IQSEC1: variants seen among roughly 807,000 people sequenced by gnomAD.
IQSEC1 encodes the protein IQ motif and Sec7 domain ArfGEF 1.
In IQSEC1, 31 loss-of-function variants were observed where a neutral mutation model predicts 91.0. The observed-to-expected ratio is 0.34, with a 90% confidence interval of 0.26 to 0.46. The LOEUF (loss-of-function observed/expected upper bound fraction) is 0.46, where lower values mean the gene tolerates loss of function less well. IQSEC1 is among the 20% of genes least tolerant of loss of function. The pLI is 1.00. For synonymous variants in IQSEC1, 699 were observed against 662.6 expected, an observed-to-expected ratio of 1.05 and a Z score of -0.84; for missense variants, 1,388 against 1,575.6, an observed-to-expected ratio of 0.88 and a Z score of 2.02.
Position 12,901,368 on chromosome 3 carries a change from G to A in IQSEC1, c.2960C>T (p.Pro987Leu), listed in dbSNP as rs1286802994. The change falls in exon 14 of 14, where the codon CCC becomes CTC. Residue 987 changes from proline to leucine, a missense_variant. Coordinates refer to ENST00000613206, the MANE Select transcript of IQSEC1 (RefSeq NM_001134382.3). Reference protein sequence around the residue: ...RGKPPPQAHLPSAPALPPPHP... With the variant: ...RGKPPPQAHLLSAPALPPPHP... ...GGGGGGTGGCAGGGCTGGGGCTGAGGGCAGGTGGGCCTGGGGAGGGGGCTT... is the reference window on the plus strand; with the variant it reads ...GGGGGGTGGCAGGGCTGGGGCTGAGAGCAGGTGGGCCTGGGGAGGGGGCTT... 2 of 1,538,448 alleles carry A rather than the reference G, an allele frequency of 1.3e-6. No homozygotes were observed. The highest frequency in any genetic ancestry group is 1.8e-6 in the Non-Finnish European group (2 of 1,142,676).
intron 1 of IQSEC1, among the ~76,000 whole-genome samples, chr3:13,238,890 G>A (rs1374475474): frequency 1.3e-5 from 2 of 152,170 alleles, no homozygotes; most frequent in Non-Finnish European, 2.9e-5. Context: ...GGCCCCACAT[G>A]CTTCTCCTAA....
chr3:13,204,301 G>A lies in IQSEC1; in HGVS notation c.273-40168C>T, dbSNP rs576519246. On this transcript the variant is annotated intron_variant, in intron 1 of 15. Transcript: ENST00000648114. ...CCAGGACGGGGGTGGATTCAAATGA[G>A]CGCTGGTGCCCACTGACTCCCCCGA... 1.7e-3 allele frequency among the ~76,000 whole-genome samples: 266 copies of A among 152,400 alleles called. 1 individual carries two copies. Among genetic ancestry groups the A allele is most frequent in the Non-Finnish European group, 2.6e-3 (176 of 68,036 alleles).
chr3:13,264,662 C>G (rs575224250), intron 1 of IQSEC1, among the ~76,000 whole-genome samples: 2 of 151,978 alleles, frequency 1.3e-5, no homozygotes, highest in African/African-American at 4.8e-5. Flanking sequence ...GGCAGGCTCG[C>G]GAAGCAAGTG....
At chr3:13,051,390 C>A (rs1292924437) in intron 1 of IQSEC1, among the ~76,000 whole-genome samples, 2 of 152,148 alleles carry the variant, frequency 1.3e-5, no homozygotes, top group Non-Finnish European at 2.9e-5. Context: ...AAGCAAAGTT[C>A]AAGAGCAGGA....
intron 1 of IQSEC1, among the ~76,000 whole-genome samples, chr3:13,201,532 T>G (rs1467046561): frequency 6.6e-6 from 1 of 152,188 alleles, no homozygotes; most frequent in Non-Finnish European, 1.5e-5. Flanking sequence ...TTGGTAGAGA[T>G]GAGGTCTTGC....
chr3:12,911,610 G>A lies in IQSEC1; in HGVS notation c.2416+19C>T. ...CTGGGACATGCGCTCTTCCAGGCAG[G>A]CCCTGGGGGCAGACTTACACTGGTT... On this transcript the variant is annotated intron_variant, in intron 10 of 13. Coordinates refer to ENST00000613206, the MANE Select transcript of IQSEC1 (RefSeq NM_001134382.3). 2 of 1,573,288 alleles carry A rather than the reference G, an allele frequency of 1.3e-6. No homozygotes were observed. The highest frequency in any genetic ancestry group is 2.2e-5 in the East Asian group (1 of 44,686).
At chr3:13,164,705 G>A (rs1005703415) in intron 1 of IQSEC1, among the ~76,000 whole-genome samples, 3 of 152,294 alleles carry the variant, frequency 2.0e-5, no homozygotes, top group African/African-American at 2.4e-5. Context: ...GAACTTTCAC[G>A]AAGACTGTGA....
intron 1 of IQSEC1, among the ~76,000 whole-genome samples, chr3:13,058,767 T>G (rs1704964509): frequency 6.6e-6 from 1 of 152,216 alleles, no homozygotes; most frequent in Non-Finnish European, 1.5e-5. Context: ...TGGGGGCTTC[T>G]ATTTTAGGGG....
intron 1 of IQSEC1, among the ~76,000 whole-genome samples, chr3:13,220,644 C>A (rs375143350): frequency 6.6e-6 from 1 of 152,246 alleles, no homozygotes; most frequent in East Asian, 1.9e-4. Context: ...CTGACTTGCT[C>A]CTCTGGTTTA....
intron 1 of IQSEC1, among the ~76,000 whole-genome samples, chr3:13,047,995 C>T (rs1199479914): frequency 2.0e-5 from 3 of 152,156 alleles, no homozygotes; most frequent in African/African-American, 7.2e-5. Context: ...CCCAGAGACT[C>T]GGCGTCCAGC....
chr3:13,128,876 C>CA (rs34011478), intron 2 of IQSEC1, among the ~76,000 whole-genome samples: 2,162 of 87,284 alleles, frequency 0.025, 69 homozygotes, highest in African/African-American at 0.046. Context: ...GACTCTGTCT[C>CA]AAAAAAAAAA....
intron 1 of IQSEC1, among the ~76,000 whole-genome samples, chr3:13,037,211 C>A (rs915708328): frequency 6.6e-6 from 1 of 152,124 alleles, no homozygotes; most frequent in African/African-American, 2.4e-5. Flanking sequence ...GCTGGTAAGG[C>A]TACATACTGC....
intron 1 of IQSEC1, among the ~76,000 whole-genome samples, chr3:13,057,888 C>T (rs1432314467): frequency 2.0e-5 from 3 of 152,358 alleles, no homozygotes; most frequent in Non-Finnish European, 4.4e-5. Flanking sequence ...GGAAAATCTG[C>T]CCCCAGGCTC....
At chr3:13,053,131 G>A in intron 1 of IQSEC1, 1 of 805,556 alleles carries the variant, frequency 1.2e-6, no homozygotes, top group Non-Finnish European at 2.2e-6. Context: ...ATGGCGAGAA[G>A]CGGACTCAAG....
intron 1 of IQSEC1, among the ~76,000 whole-genome samples, chr3:13,216,486 G>A (rs750623437): frequency 1.3e-5 from 2 of 152,188 alleles, no homozygotes; most frequent in South Asian, 2.1e-4. Flanking sequence ...CTAGCAGAGC[G>A]ACGAGCTGTC....
intron 1 of IQSEC1, among the ~76,000 whole-genome samples, chr3:13,031,993 A>G (rs58696591): frequency 0.038 from 5,806 of 152,218 alleles, 372 homozygotes; most frequent in African/African-American, 0.13. Context: ...AGTTGTGGGA[A>G]GAGCACAAAG....
At chr3:13,051,263 T>G (rs1284957212) in intron 1 of IQSEC1, among the ~76,000 whole-genome samples, 1 of 152,242 alleles carries the variant, frequency 6.6e-6, no homozygotes, top group Non-Finnish European at 1.5e-5. Context: ...CCTCCTCCTC[T>G]GTCCCCAGTC....
At chr3:13,177,071 A>T (rs1693745038) in intron 1 of IQSEC1, among the ~76,000 whole-genome samples, 1 of 152,186 alleles carries the variant, frequency 6.6e-6, no homozygotes, top group Non-Finnish European at 1.5e-5. Flanking sequence ...GTGACTGCTA[A>T]TATGTGGAGA....
In IQSEC1 at chr3:13,029,362, G is replaced by T. The variant is rs1703751968; in HGVS notation, c.23+43630C>A. ...AGAGAGGTCCACAGACACGCCCAGG[G>T]TTAATACAGATAGAACATGGCAGGG... On this transcript the variant is annotated intron_variant, in intron 1 of 13. Coordinates refer to ENST00000613206, the MANE Select transcript of IQSEC1 (RefSeq NM_001134382.3). Among the ~76,000 whole-genome samples, 5 of 152,338 alleles carry T rather than the reference G, an allele frequency of 3.3e-5. No individual in the cohort carries two copies. The South Asian group carries it at 8.3e-4, about 25-fold the overall frequency.
Sources: gnomAD v4.1 joint callset for allele counts (sites outside exome capture counted in the v4.1 genomes callset) on GRCh38, gnomAD v4.1.1 for gene constraint, MANE v1.5 for transcripts, NCBI Gene and HGNC (gene_info 2026-07-23, HGNC 2026-07-21) for gene names.